RAPGEF4: variants seen among roughly 807,000 people sequenced by gnomAD.
The protein encoded by RAPGEF4 is RAP guanine-nucleotide-exchange factor (GEF) 4.
RAPGEF4 carries 66 observed loss-of-function variants against 147.9 expected under a neutral mutation model. That is an observed-to-expected ratio of 0.45 (90% confidence interval 0.37 to 0.55). RAPGEF4 has a LOEUF of 0.55. Ranked by LOEUF, RAPGEF4 falls within the 20% of genes least tolerant of loss-of-function variation. RAPGEF4 has a pLI of 0.00. For missense variants in RAPGEF4, 1,071 were observed against 1,257.3 expected (o/e 0.85, Z 2.24); for synonymous variants, 419 against 442.7 (o/e 0.95, Z 0.67).
intron 27 of RAPGEF4, among the ~76,000 whole-genome samples, chr2:173,034,205 G>A (rs1279966485): frequency 6.6e-6 from 1 of 152,220 alleles, no homozygotes; most frequent in African/African-American, 2.4e-5. Context: ...GAAAAGCAGT[G>A]TAATAGCGTC....
rs537467036 is a variant in RAPGEF4 at position 172,830,816 on chromosome 2, T to G, written c.444+16391T>G. ...TATTTTAAAGAAATTATTTAATTTA[T>G]TGAAACTAGGTAATACATACATGTG... is the stretch of plus-strand genomic sequence containing the variant. On this transcript the variant is annotated intron_variant, in intron 4 of 30. Coordinates refer to ENST00000397081, the MANE Select transcript of RAPGEF4 (RefSeq NM_007023.4). 9.2e-5 allele frequency among the ~76,000 whole-genome samples: 14 copies of G among 152,322 alleles called. No individual in the cohort carries two copies. The East Asian group carries it at 2.7e-3, about 29-fold the overall frequency.
intron 10 of RAPGEF4, among the ~76,000 whole-genome samples, chr2:172,970,183 T>C (rs1466062827): frequency 3.1e-4 from 12 of 38,154 alleles, no homozygotes; most frequent in African/African-American, 5.7e-4. Context: ...ACACACACCC[T>C]TTTTTTTTTT....
chr2:173,045,397 T>G (rs1468220362), intron 29 of RAPGEF4, among the ~76,000 whole-genome samples: 1 of 152,194 alleles, frequency 6.6e-6, no homozygotes, highest in Non-Finnish European at 1.5e-5. Context: ...ATTTGTTTAG[T>G]CTAGGGCACC....
chr2:173,039,306 A>C (rs1354860379), intron 29 of RAPGEF4, among the ~76,000 whole-genome samples: 1 of 151,770 alleles, frequency 6.6e-6, no homozygotes, highest in African/African-American at 2.4e-5. Flanking sequence ...AAATACAAAA[A>C]AAAAAAAAAT....
At chr2:173,008,158 TCTC>T (rs1176984111) in intron 17 of RAPGEF4, among the ~76,000 whole-genome samples, 9 of 152,132 alleles carry the variant, frequency 5.9e-5, no homozygotes, top group Non-Finnish European at 8.8e-5. Context: ...ACTTGGCACT[TCTC>T]CTTCTTGGTG....
At chr2:172,834,144 G>A (rs545001727) in intron 4 of RAPGEF4, among the ~76,000 whole-genome samples, 2 of 152,278 alleles carry the variant, frequency 1.3e-5, no homozygotes, top group East Asian at 3.9e-4. Context: ...TGGATCAATG[G>A]CTTAGCCATT....
intron 4 of RAPGEF4, among the ~76,000 whole-genome samples, chr2:172,877,186 A>G (rs921304897): frequency 1.3e-5 from 2 of 152,212 alleles, no homozygotes; most frequent in Admixed American, 1.3e-4. Context: ...ATGCAGGCAT[A>G]AAAAAGGATG....
At chr2:172,879,002 T>G (rs1263848801) in intron 4 of RAPGEF4, among the ~76,000 whole-genome samples, 1 of 152,118 alleles carries the variant, frequency 6.6e-6, no homozygotes, top group Non-Finnish European at 1.5e-5. Flanking sequence ...ACAGGCAGTA[T>G]TTATCAAAAT....
At chr2:173,026,317 A>G (rs1432222458) in intron 23 of RAPGEF4, among the ~76,000 whole-genome samples, 1 of 152,098 alleles carries the variant, frequency 6.6e-6, no homozygotes, top group Admixed American at 6.5e-5. Context: ...TCTGCAGGTC[A>G]CTCTTCACTG....
chr2:172,922,031 C>A (rs866228947), intron 5 of RAPGEF4, among the ~76,000 whole-genome samples: 12 of 152,160 alleles, frequency 7.9e-5, no homozygotes, highest in Admixed American at 4.6e-4. Context: ...TGAAAGTAAA[C>A]CATATGGTAG....
intron 1 of RAPGEF4, among the ~76,000 whole-genome samples, chr2:172,776,233 G>A (rs1262950199): frequency 3.3e-5 from 5 of 152,148 alleles, no homozygotes; most frequent in African/African-American, 7.2e-5. Flanking sequence ...GGGAGGTTAA[G>A]CAACTTGTTC....
At chr2:172,901,526 C>T (rs571020720) in intron 4 of RAPGEF4, among the ~76,000 whole-genome samples, 18 of 152,290 alleles carry the variant, frequency 1.2e-4, no homozygotes, top group African/African-American at 4.3e-4. Context: ...TTCTTTCAAG[C>T]ATCTGTTTTT....
intron 4 of RAPGEF4, among the ~76,000 whole-genome samples, chr2:172,914,220 A>C (rs1243468064): frequency 6.6e-6 from 1 of 151,500 alleles, no homozygotes; most frequent in Non-Finnish European, 1.5e-5. Flanking sequence ...GTTTACTATT[A>C]CATACAAGCA....
At chr2:172,913,537 G>A (rs548845769) in intron 4 of RAPGEF4, among the ~76,000 whole-genome samples, 4 of 152,342 alleles carry the variant, frequency 2.6e-5, no homozygotes, top group Admixed American at 6.5e-5. Flanking sequence ...ATCTGGAGGC[G>A]TCTTCACTCA....
At chr2:172,876,273 T>G (rs1161326358) in intron 4 of RAPGEF4, among the ~76,000 whole-genome samples, 3 of 152,168 alleles carry the variant, frequency 2.0e-5, no homozygotes, top group Admixed American at 1.3e-4. Context: ...TGGCCAGAAC[T>G]TCTAACACTA....
intron 6 of RAPGEF4, among the ~76,000 whole-genome samples, chr2:172,934,422 A>T (rs1397746286): frequency 1.3e-5 from 2 of 152,140 alleles, no homozygotes; most frequent in Non-Finnish European, 2.9e-5. Context: ...AAGTGCTGGG[A>T]TTACAGGTGT....
In RAPGEF4 at chr2:172,973,222, C is replaced by A. The variant is rs1189149111; in HGVS notation, c.1004+5778C>A. On this transcript the variant is annotated intron_variant, in intron 10 of 30. Transcript: ENST00000397081. ...CCACCTCCTGAGCTCAAGTGGTGCT[C>A]CCACCTCAGCCTCCCGAGTAGCTGG... Among the ~76,000 whole-genome samples the A allele has an allele frequency of 2.0e-5, 3 of 151,658 alleles. No homozygotes were observed. In the East Asian group the frequency reaches 5.8e-4, roughly 29 times the overall value.
At chr2:172,962,716 T>G (rs1295489856) in intron 8 of RAPGEF4, among the ~76,000 whole-genome samples, 2 of 152,136 alleles carry the variant, frequency 1.3e-5, no homozygotes, top group Non-Finnish European at 2.9e-5. Flanking sequence ...CTTGAGAAAG[T>G]GCCTTAGTGT....
At position 172,814,428 on chromosome 2, in the gene RAPGEF4, G is replaced by A. The variant is rs767717290; in HGVS notation, c.444+3G>A. Reference sequence around the variant, plus strand: ...AGGACTTCAAGGCACTATGGGAGGTGAGCCCTAAGGCTTCTTTGTCAATTA... The same window carrying A: ...AGGACTTCAAGGCACTATGGGAGGTAAGCCCTAAGGCTTCTTTGTCAATTA... On this transcript the variant is annotated splice_donor_region_variant and intron_variant, in intron 4 of 30. Coordinates refer to ENST00000397081, the MANE Select transcript of RAPGEF4 (RefSeq NM_007023.4). The A allele has an allele frequency of 3.1e-6, 5 of 1,614,068 alleles. No individual in the cohort carries two copies. In the Admixed American group the frequency reaches 8.3e-5, roughly 27 times the overall value.
Sources: allele counts gnomAD v4.1 joint callset (sites outside exome capture counted in the v4.1 genomes callset), GRCh38; gene constraint gnomAD v4.1.1; transcripts MANE v1.5; gene names NCBI Gene and HGNC (gene_info 2026-07-23, HGNC 2026-07-21).